Variants in TBC1D32 observed in about 807,000 individuals in gnomAD.
TBC1D32 encodes the protein protein broad-minded.
Under a neutral mutation model 170.3 loss-of-function variants are expected in TBC1D32, and 151 were observed. The observed-to-expected ratio is 0.89, with a 90% CI of 0.78 to 1.01. TBC1D32 has a LOEUF of 1.01. Among genes scored for constraint, TBC1D32 ranks in the 50% least tolerant of loss-of-function variants. The probability of loss-of-function intolerance (pLI) is 0.00; values close to 1 mark genes in which losing one functional copy is unlikely to be tolerated. For missense variants in TBC1D32, 1,464 were observed against 1,457.1 expected, an observed-to-expected ratio of 1.00 and a Z score of -0.08; for synonymous variants, 498 against 488.0, an observed-to-expected ratio of 1.02 and a Z score of -0.27.
At chr6:121,258,100 T>C (rs1176980902) in intron 15 of TBC1D32, among the ~76,000 whole-genome samples, 1 of 152,136 alleles carries the variant, frequency 6.6e-6, no homozygotes, top group Non-Finnish European at 1.5e-5. Flanking sequence ...TTTAACCTCT[T>C]TAACTTTATA....
In TBC1D32 at chr6:121,113,167, A is replaced by C. The variant is rs1197984247; in HGVS notation, c.3064T>G (p.Phe1022Val). 6.2e-7 allele frequency: 1 copy of C among 1,606,498 alleles called. No individual in the cohort carries two copies. Among genetic ancestry groups the C allele is most frequent in the East Asian group, 2.2e-5 (1 of 44,650 alleles). ...GIKMTVRYGK[F>V]LSLLKDGAEN... ...GCACCATCTTTTAAGAGACTGAGGA[A>C]TTTGCCATACCTATATTAAAAGCCC... Residue 1022 changes from phenylalanine (F) to valine (V), a missense_variant, in exon 28 of 32, where the codon TTC (phenylalanine) becomes GTC (valine). By Grantham distance (50) the Phe-to-Val change is conservative. Around this residue, in one of 3 missense-constraint regions of TBC1D32, gnomAD observed 1,363 missense variants for 1,338.1 expected, o/e 1.02. Transcript: ENST00000398212.
intron 3 of TBC1D32, 114 bp downstream of exon 3, chr6:121,317,381 A>G (rs1327329165): frequency 4.0e-6 from 3 of 748,142 alleles, no homozygotes; most frequent in Non-Finnish European, 6.1e-6. Context: ...TAGTTTTATT[A>G]TTTTTCTCCT....
rs561320499 is a variant in TBC1D32, at chr6:121,112,830, CTT to C, written c.3170-173_3170-172del. Among the ~76,000 whole-genome samples the C allele has an allele frequency of 9.3e-4, 141 of 152,046 alleles. 1 individual carries two copies. The highest frequency in any genetic ancestry group is 8.3e-4 in the South Asian group (4 of 4,806). On this transcript the variant is annotated intron_variant, in intron 28 of 31. Coordinates refer to ENST00000398212, the MANE Select transcript of TBC1D32 (RefSeq NM_152730.6). ...CATGTCTGAAAATACATTCTAATGTCTTTATTCAGTTTAAGATTCAATGAATG... is the reference window on the plus strand; with the variant it reads ...CATGTCTGAAAATACATTCTAATGTCTATTCAGTTTAAGATTCAATGAATG...
intron 30 of TBC1D32, among the ~76,000 whole-genome samples, chr6:121,095,626 C>T (rs577614557): frequency 8.0e-4 from 121 of 152,050 alleles, no homozygotes; most frequent in African/African-American, 2.7e-3. Context: ...TAGTTTATTG[C>T]GAGTTTTTAG....
chr6:121,260,684 G>C (rs1430435762), intron 15 of TBC1D32, among the ~76,000 whole-genome samples: 1 of 152,198 alleles, frequency 6.6e-6, no homozygotes, highest in Non-Finnish European at 1.5e-5. Context: ...CCACGCCACT[G>C]AGGCCTTCAG....
At chr6:121,325,055 C>CA (rs985700308) in intron 1 of TBC1D32, among the ~76,000 whole-genome samples, 3 of 151,784 alleles carry the variant, frequency 2.0e-5, no homozygotes, top group African/African-American at 4.8e-5. Context: ...ACTAAAAATA[C>CA]AAAAAAATTA....
At chr6:121,231,084 A>T (rs1795676161) in intron 20 of TBC1D32, among the ~76,000 whole-genome samples, 1 of 152,104 alleles carries the variant, frequency 6.6e-6, no homozygotes, top group Non-Finnish European at 1.5e-5. Flanking sequence ...AATAGTCTCC[A>T]ATTCCATCCA....
intron 25 of TBC1D32, among the ~76,000 whole-genome samples, chr6:121,130,904 G>A (rs1382490550): frequency 6.6e-6 from 1 of 151,982 alleles, no homozygotes; most frequent in African/African-American, 2.4e-5. Context: ...AAACTTTGGA[G>A]AACAACATTT....
intron 22 of TBC1D32, among the ~76,000 whole-genome samples, chr6:121,199,136 T>C (rs1449011124): frequency 6.6e-6 from 1 of 151,434 alleles, no homozygotes; most frequent in Non-Finnish European, 1.5e-5. Flanking sequence ...TGCCTATCCT[T>C]TGACTTAGCA....
rs753329221 is a variant in TBC1D32, at chr6:121,205,079, G to A, written c.2566C>T (p.Leu856=). ...AAGTAAAATGTAGCATTTTACCTTA[G>A]ACCAAAGATATGTGATTGTTCATAG... ...FNYEQSHIFG[L]RDFIIDGLSV... Residue 856 remains leucine, a synonymous_variant, in exon 22 of 32, where the codon CTA becomes TTA. Coordinates refer to ENST00000398212, the MANE Select transcript of TBC1D32 (RefSeq NM_152730.6). The A allele has an allele frequency of 2.7e-6, 4 of 1,502,318 alleles. No individual in the cohort carries two copies. Among genetic ancestry groups the A allele is most frequent in the Non-Finnish European group, 3.6e-6 (4 of 1,110,838 alleles). 93.1% of individuals were successfully genotyped at this position (1,502,318 alleles called of 1,614,324 possible).
At chr6:121,116,894 G>A (rs566178927) in intron 26 of TBC1D32, among the ~76,000 whole-genome samples, 1 of 152,288 alleles carries the variant, frequency 6.6e-6, no homozygotes, top group Admixed American at 6.5e-5. Flanking sequence ...CTTTATGACA[G>A]TGTATCTTCA....
Position 121,255,345 on chromosome 6 carries a change from G to T in TBC1D32, c.2001C>A (p.Ser667Arg). Reference sequence around the variant, plus strand: ...GTACTTACATGTTTTGGGATTCCTGGCTTACTGAAGAAACAGAATCAGAAC... The same window carrying T: ...GTACTTACATGTTTTGGGATTCCTGTCTTACTGAAGAAACAGAATCAGAAC... ...VEGSDSVSSV[S>R]QESQNIMAWE... Residue 667 changes from serine (S) to arginine (R), a missense_variant, in exon 17 of 32, where the codon AGC (serine) becomes AGA (arginine). This residue lies in a region of TBC1D32 where 1,363 missense variants were observed against 1,338.1 expected (regional missense o/e 1.02). Transcript: ENST00000398212. 6.4e-7 allele frequency: 1 copy of T among 1,568,404 alleles called. No individual in the cohort carries two copies. The highest frequency in any genetic ancestry group is 1.8e-5 in the Admixed American group (1 of 55,406).
At chr6:121,288,737 C>T (rs764942315) in intron 12 of TBC1D32, among the ~76,000 whole-genome samples, 50 of 152,016 alleles carry the variant, frequency 3.3e-4, no homozygotes, top group South Asian at 1.0e-3. Context: ...ACATGAACAT[C>T]GATGCAAAAA....
At chr6:121,144,404 G>A (rs753776928) in intron 24 of TBC1D32, among the ~76,000 whole-genome samples, 1 of 152,130 alleles carries the variant, frequency 6.6e-6, no homozygotes, top group Non-Finnish European at 1.5e-5. Flanking sequence ...GGTAAGAAAT[G>A]TGAGTGGTAG....
intron 22 of TBC1D32, among the ~76,000 whole-genome samples, chr6:121,193,193 C>G (rs763586559): frequency 1.1e-4 from 16 of 152,170 alleles, no homozygotes; most frequent in Non-Finnish European, 4.4e-5. Flanking sequence ...AGTAGGGACT[C>G]TGCATTTAAT....
chr6:121,183,413 C>T (rs376479764), intron 22 of TBC1D32, among the ~76,000 whole-genome samples: 3 of 152,000 alleles, frequency 2.0e-5, no homozygotes, highest in East Asian at 1.9e-4. Context: ...TTTAGAGGCA[C>T]GGCAGGTGGC....
chr6:121,287,014 GA>G (rs1196593213), intron 12 of TBC1D32, among the ~76,000 whole-genome samples: 1 of 152,104 alleles, frequency 6.6e-6, no homozygotes, highest in Non-Finnish European at 1.5e-5. Context: ...ACTAAACATG[GA>G]AAGGAACAAC....
At chr6:121,088,699 T>C (rs1465069844) in intron 31 of TBC1D32, among the ~76,000 whole-genome samples, 1 of 152,182 alleles carries the variant, frequency 6.6e-6, no homozygotes, top group Admixed American at 6.5e-5. Flanking sequence ...AAAAAACATT[T>C]GTCCTAATCT....
intron 19 of TBC1D32, among the ~76,000 whole-genome samples, chr6:121,240,475 T>C (rs1298112057): frequency 2.0e-5 from 3 of 150,004 alleles, no homozygotes; most frequent in Non-Finnish European, 3.0e-5. Context: ...AATATTTGTA[T>C]TTAAAGAGAG....
Sources: allele counts gnomAD v4.1 joint callset (sites outside exome capture counted in the v4.1 genomes callset), GRCh38; gene constraint gnomAD v4.1.1; regional missense constraint gnomAD v4.1.1; transcripts MANE v1.5; gene names NCBI Gene and HGNC (gene_info 2026-07-23, HGNC 2026-07-21).